PTCHD4: variants seen among roughly 807,000 people sequenced by gnomAD.
The protein encoded by PTCHD4 is patched domain containing 4.
PTCHD4 carries 33 observed loss-of-function variants against 58.1 expected under a neutral mutation model. The ratio of observed to expected loss-of-function variants is 0.57; its 90% CI spans 0.43 to 0.76. The LOEUF (loss-of-function observed/expected upper bound fraction) is 0.76. Ranked by LOEUF, PTCHD4 falls within the 30% of genes least tolerant of loss-of-function variation. The pLI is 0.00. For missense variants in PTCHD4, 1,058 were observed against 1,027.1 expected (o/e 1.03, Z -0.41); for synonymous variants, 478 against 409.6 (o/e 1.17, Z -2.02).
intron 4 of PTCHD4, among the ~76,000 whole-genome samples, chr6:47,920,006 GTGTCAC>G (rs1392878567): frequency 1.3e-5 from 2 of 152,084 alleles, no homozygotes; most frequent in African/African-American, 4.8e-5. Context: ...GGTGATGGTG[GTGTCAC>G]TGCTTGAAGG....
At chr6:47,900,457 A>T (rs1032121719) in intron 4 of PTCHD4, 3 of 152,152 alleles carry the variant, frequency 2.0e-5, no homozygotes, top group African/African-American at 7.2e-5. Flanking sequence ...GTCCACTTTG[A>T]AATTGGGTTG....
chr6:47,892,672 C>T (rs1764416023), intron 4 of PTCHD4, among the ~76,000 whole-genome samples: 2 of 152,188 alleles, frequency 1.3e-5, no homozygotes, highest in South Asian at 2.1e-4. Flanking sequence ...TCTTACTTTG[C>T]AAACTTAGAT....
intron 4 of PTCHD4, among the ~76,000 whole-genome samples, chr6:47,957,589 T>A (rs1766913823): frequency 6.7e-6 from 1 of 149,724 alleles, no homozygotes; most frequent in Non-Finnish European, 1.5e-5. Context: ...TTTTTTATTT[T>A]TTTTATTTTT....
At chr6:47,929,803 A>G (rs185237435) in intron 4 of PTCHD4, among the ~76,000 whole-genome samples, 43 of 152,242 alleles carry the variant, frequency 2.8e-4, no homozygotes, top group African/African-American at 1.0e-3. Context: ...GCCAGGTATT[A>G]TTTGCTGTTG....
chr6:47,981,808 G>A (rs1400028071), intron 4 of PTCHD4, among the ~76,000 whole-genome samples: 1 of 152,108 alleles, frequency 6.6e-6, no homozygotes, highest in East Asian at 1.9e-4. Context: ...CAAATGGTTT[G>A]TGGAGACCCT....
chr6:48,079,377 T>A (rs1472204910), intron 1 of PTCHD4, among the ~76,000 whole-genome samples: 1 of 152,138 alleles, frequency 6.6e-6, no homozygotes, highest in Non-Finnish European at 1.5e-5. Context: ...AAAGTGGGCA[T>A]CACACTCACC....
intron 4 of PTCHD4, among the ~76,000 whole-genome samples, chr6:47,888,548 T>C (rs1184475271): frequency 2.0e-5 from 3 of 152,216 alleles, no homozygotes; most frequent in Middle Eastern, 3.2e-3. Flanking sequence ...ATATTTTATA[T>C]ATATATCTTA....
chr6:47,944,600 A>C (rs966424470), intron 4 of PTCHD4, among the ~76,000 whole-genome samples: 1 of 152,126 alleles, frequency 6.6e-6, no homozygotes, highest in Non-Finnish European at 1.5e-5. Context: ...GAAAACCTCC[A>C]TTTAAATAAC....
At chr6:47,944,540 G>A (rs986595085) in intron 4 of PTCHD4, among the ~76,000 whole-genome samples, 2 of 152,016 alleles carry the variant, frequency 1.3e-5, no homozygotes. Context: ...TTTAACAGGG[G>A]CTTTAAACCT....
chr6:48,080,282 T>A (rs758102233), intron 1 of PTCHD4, among the ~76,000 whole-genome samples: 1 of 152,158 alleles, frequency 6.6e-6, no homozygotes, highest in Non-Finnish European at 1.5e-5. Context: ...ACAAAATGAG[T>A]ACATATCCAA....
At chr6:47,999,732 T>C (rs1768648166) in intron 4 of PTCHD4, among the ~76,000 whole-genome samples, 1 of 152,170 alleles carries the variant, frequency 6.6e-6, no homozygotes, top group African/African-American at 2.4e-5. Context: ...TTGTGGTGTT[T>C]GTCATAGATA....
Position 47,875,402 on chromosome 6 carries a change from C to T in PTCHD4, c.*2901G>A, listed in dbSNP as rs1254813925. On this transcript the variant is annotated 3_prime_UTR_variant, in exon 5 of 5. Coordinates refer to ENST00000339488, the MANE Select transcript of PTCHD4 (RefSeq NM_001384253.1). Reference sequence around the variant, plus strand: ...CAGGAAATGGAATTCTTGGAAACATCTGTTTCACAGTGAGGTTGGGAGGTC... The same window carrying T: ...CAGGAAATGGAATTCTTGGAAACATTTGTTTCACAGTGAGGTTGGGAGGTC... Among the ~76,000 whole-genome samples, 1 of 151,820 alleles carries T rather than the reference C, an allele frequency of 6.6e-6. No individual in the cohort carries two copies. Among genetic ancestry groups the T allele is most frequent in the Non-Finnish European group, 1.5e-5 (1 of 67,872 alleles).
intron 1 of PTCHD4, among the ~76,000 whole-genome samples, chr6:48,109,997 G>T (rs1382891974): frequency 6.6e-6 from 1 of 152,114 alleles, no homozygotes. Context: ...GAGAGCCCTT[G>T]TATACAACTG....
At chr6:47,945,086 C>T (rs530341032) in intron 4 of PTCHD4, among the ~76,000 whole-genome samples, 5 of 152,066 alleles carry the variant, frequency 3.3e-5, no homozygotes, top group Admixed American at 6.6e-5. Context: ...CAATGACATA[C>T]GATGGGTAAT....
chr6:47,959,365 A>G (rs1486442268), intron 4 of PTCHD4, among the ~76,000 whole-genome samples: 1 of 152,208 alleles, frequency 6.6e-6, no homozygotes, highest in Non-Finnish European at 1.5e-5. Flanking sequence ...TGTAATGGGA[A>G]CTAACTATAG....
intron 4 of PTCHD4, among the ~76,000 whole-genome samples, chr6:47,922,777 A>C (rs1395102417): frequency 6.6e-6 from 1 of 152,180 alleles, no homozygotes; most frequent in Non-Finnish European, 1.5e-5. Context: ...CCTAGCTCAG[A>C]GCTCAGTCCC....
rs544108754 is a variant in PTCHD4 at position 47,887,317 on chromosome 6, TTAA to T, written c.899-7384_899-7382del. Among the ~76,000 whole-genome samples, 136 of 151,106 alleles carry T rather than the reference TTAA, an allele frequency of 9.0e-4. No individual in the cohort carries two copies. The South Asian group carries it at 0.015, about 17-fold the overall frequency. On this transcript the variant is annotated intron_variant, in intron 4 of 4. Coordinates refer to ENST00000339488, the MANE Select transcript of PTCHD4 (RefSeq NM_001384253.1). ...GAGGAATTAAATATAAATTATAACT[TTAA>T]TAATAATAAATGTTACTATTTATCA...
At chr6:48,034,832 A>T (rs1763572728) in intron 3 of PTCHD4, among the ~76,000 whole-genome samples, 1 of 152,146 alleles carries the variant, frequency 6.6e-6, no homozygotes, top group Admixed American at 6.6e-5. Flanking sequence ...TTAAGAGATA[A>T]AATGTCTTAA....
At chr6:47,937,131 C>T (rs1383937205) in intron 4 of PTCHD4, among the ~76,000 whole-genome samples, 1 of 152,194 alleles carries the variant, frequency 6.6e-6, no homozygotes, top group Non-Finnish European at 1.5e-5. Context: ...GGGCTTTGGT[C>T]TTCCATCTGG....
Sources: allele counts gnomAD v4.1 joint callset (sites outside exome capture counted in the v4.1 genomes callset), GRCh38; gene constraint gnomAD v4.1.1; transcripts MANE v1.5; gene names NCBI Gene and HGNC (gene_info 2026-07-23, HGNC 2026-07-21).